TMEM114: variants seen among roughly 807,000 people sequenced by gnomAD.
TMEM114 encodes transmembrane protein 114.
In TMEM114, 6 loss-of-function variants were observed where a neutral mutation model predicts 6.2. The observed-to-expected ratio is 0.97, with a 90% CI of 0.53 to 1.91. The LOEUF is 1.91. Among genes scored for constraint, TMEM114 ranks in the 40% most tolerant of loss-of-function variants. The pLI is 0.01. For synonymous variants in TMEM114, 104 were observed against 73.0 expected (o/e 1.42, Z -2.16); for missense variants, 218 against 158.3 (o/e 1.38, Z -2.02).
intron 3 of TMEM114, among the ~76,000 whole-genome samples, chr16:8,570,586 C>T (rs1901703274): frequency 1.3e-5 from 2 of 152,194 alleles, no homozygotes; most frequent in African/African-American, 4.8e-5. Flanking sequence ...CCTGTCTCTG[C>T]CTCCTAACGT....
chr16:8,547,371 G>GCTTT lies in TMEM114; in HGVS notation n.213-9549_213-9546dup, dbSNP rs138022382. Among the ~76,000 whole-genome samples the GCTTT allele has an allele frequency of 1.7e-3, 238 of 143,028 alleles. 3 individuals are homozygous for GCTTT. The highest frequency in any genetic ancestry group is 4.0e-3 in the Admixed American group (57 of 14,168). The allele number at this position is 143,028 out of a possible 152,430, so 93.8% of individuals were successfully genotyped here. A position where few individuals can be genotyped will look rare whatever the true frequency, so the allele number is the denominator to read the frequency against. On this transcript the variant is annotated intron_variant and non_coding_transcript_variant, in intron 2 of 2. Coordinates refer to the TMEM114 transcript ENST00000623677. The stretch of plus-strand genomic sequence containing the variant: ...ATTCCCATTGCCCCTGAAGAGACGC[G>GCTTT]CTTTCTTTCTTTCTTTCTTTCTTTC...
At chr16:8,554,384 C>T (rs367692273) in intron 2 of TMEM114, among the ~76,000 whole-genome samples, 4 of 152,036 alleles carry the variant, frequency 2.6e-5, no homozygotes, top group African/African-American at 9.6e-5. Flanking sequence ...TTGCACCAAA[C>T]TCTGTCTCTA....
intron 2 of TMEM114, among the ~76,000 whole-genome samples, chr16:8,543,805 G>A (rs1201535360): frequency 6.6e-6 from 1 of 152,160 alleles, no homozygotes; most frequent in African/African-American, 2.4e-5. Context: ...GATAGAAAAT[G>A]TGCTGAAAGA....
At position 8,572,157 on chromosome 16, in the gene TMEM114, C is replaced by T. The variant is rs371766294; in HGVS notation, c.369G>A (p.Thr123=). Residue 123 remains threonine, a synonymous_variant, in exon 3 of 4, where the codon ACG becomes ACA. Transcript: ENST00000620492. The part of the protein sequence containing the change: ...SLILMVFGGM[T]GFLSFLLQAY... ...CTTGGAGGAGGAAGCTCAGAAACCC[C>T]GTCATCCCCCCAAAAACCATCAGGA... 5.8e-6 allele frequency: 9 copies of T among 1,551,438 alleles called. No individual in the cohort carries two copies. The highest frequency in any genetic ancestry group is 2.4e-5 in the South Asian group (2 of 84,050).
chr16:8,569,161 A>C (rs1465947989), downstream of TMEM114, among the ~76,000 whole-genome samples: 2 of 152,184 alleles, frequency 1.3e-5, no homozygotes, highest in African/African-American at 2.4e-5. Context: ...GAACACCAGG[A>C]TGAAAGGAGG....
At chr16:8,539,381 C>T (rs1900454270) in intron 2 of TMEM114, among the ~76,000 whole-genome samples, 1 of 152,172 alleles carries the variant, frequency 6.6e-6, no homozygotes, top group Non-Finnish European at 1.5e-5. Flanking sequence ...ACCCAGAATA[C>T]TTGCCCCTGG....
At chr16:8,561,329 T>A (rs542458894) in intron 2 of TMEM114, among the ~76,000 whole-genome samples, 1 of 152,326 alleles carries the variant, frequency 6.6e-6, no homozygotes, top group East Asian at 1.9e-4. Context: ...GACAGGACAT[T>A]ATTTTCATCG....
At chr16:8,563,369 G>A (rs1272341187) in intron 2 of TMEM114, among the ~76,000 whole-genome samples, 2 of 147,732 alleles carry the variant, frequency 1.4e-5, no homozygotes, top group South Asian at 2.2e-4. Flanking sequence ...GAGGGAGGGA[G>A]GGAATGAGTG....
At chr16:8,588,929 C>T (rs1902398330) in intron 2 of TMEM114, among the ~76,000 whole-genome samples, 1 of 152,238 alleles carries the variant, frequency 6.6e-6, no homozygotes, top group African/African-American at 2.4e-5. Flanking sequence ...CCACTGTGAG[C>T]CCCTTGAGGG....
chr16:8,584,268 T>C (rs1256150096), intron 2 of TMEM114, among the ~76,000 whole-genome samples: 1 of 152,198 alleles, frequency 6.6e-6, no homozygotes, highest in Non-Finnish European at 1.5e-5. Context: ...TGAGTTTCTG[T>C]CACTTGCCAC....
downstream of TMEM114, among the ~76,000 whole-genome samples, chr16:8,534,169 C>T (rs922141376): frequency 6.6e-6 from 1 of 152,178 alleles, no homozygotes; most frequent in African/African-American, 2.4e-5. Context: ...TCATTGAGCT[C>T]TGCCCAGATG....
At chr16:8,582,911 C>G (rs1463760569) in intron 2 of TMEM114, among the ~76,000 whole-genome samples, 1 of 150,398 alleles carries the variant, frequency 6.6e-6, no homozygotes, top group Non-Finnish European at 1.5e-5. Flanking sequence ...AAAGGAAGGG[C>G]AGGGAAGAGC....
chr16:8,575,835 G>A (rs1165235362), intron 2 of TMEM114, among the ~76,000 whole-genome samples: 2 of 152,160 alleles, frequency 1.3e-5, no homozygotes, highest in East Asian at 3.9e-4. Flanking sequence ...GAAATAATAT[G>A]CATGAAATCT....
chr16:8,558,736 C>T (rs1441962826), intron 2 of TMEM114, among the ~76,000 whole-genome samples: 1 of 138,060 alleles, frequency 7.2e-6, no homozygotes. Flanking sequence ...AGTATGATTG[C>T]ACCCAGTTCT....
At chr16:8,579,296 G>T (rs954832747) in intron 2 of TMEM114, among the ~76,000 whole-genome samples, 4 of 152,138 alleles carry the variant, frequency 2.6e-5, no homozygotes, top group African/African-American at 9.7e-5. Context: ...AACATCAAAA[G>T]CTCTGGCAAA....
In TMEM114 at chr16:8,590,057, G is replaced by A; in HGVS notation, c.-219C>T. 3 of 376,530 alleles carry A rather than the reference G, an allele frequency of 8.0e-6. No individual in the cohort carries two copies. Among genetic ancestry groups the A allele is most frequent in the East Asian group, 3.9e-5 (1 of 25,942 alleles). The allele number at this position is 376,530 out of a possible 1,614,324, so 23.3% of individuals were successfully genotyped here. On this transcript the variant is annotated 5_prime_UTR_variant, in exon 1 of 4. Transcript: ENST00000620492. ...ACCTGCACGCGCCCCCCGCTCAGCC[G>A]CCGTCCACGTTCCCACCCCTCCAAT... is the stretch of plus-strand genomic sequence containing the variant.
chr16:8,539,465 C>A (rs778795842), intron 2 of TMEM114, among the ~76,000 whole-genome samples: 17 of 152,206 alleles, frequency 1.1e-4, no homozygotes, highest in Non-Finnish European at 2.5e-4. Context: ...GAGGGCTCTG[C>A]CTCCTGCAAG....
intron 2 of TMEM114, among the ~76,000 whole-genome samples, chr16:8,584,942 A>G (rs1027740257): frequency 4.0e-5 from 6 of 148,930 alleles, no homozygotes; most frequent in Non-Finnish European, 8.9e-5. Context: ...AAAAAAAAAA[A>G]GAAGAAGAAG....
intron 3 of TMEM114, among the ~76,000 whole-genome samples, chr16:8,571,104 A>G (rs973507728): frequency 1.4e-5 from 2 of 145,886 alleles, no homozygotes; most frequent in Non-Finnish European, 3.0e-5. Flanking sequence ...CCAAGGGAGC[A>G]TGTCATCACT....
Sources: gnomAD v4.1 joint callset for allele counts (sites outside exome capture counted in the v4.1 genomes callset) on GRCh38, gnomAD v4.1.1 for gene constraint, MANE v1.5 for transcripts, NCBI Gene and HGNC (gene_info 2026-07-23, HGNC 2026-07-21) for gene names.